TEAD1: variants seen among roughly 807,000 people sequenced by gnomAD.
The protein encoded by TEAD1 is transcriptional enhancer factor TEF-1.
Under a neutral mutation model 54.9 loss-of-function variants are expected in TEAD1, and 9 were observed. The observed-to-expected ratio is 0.16, with a 90% confidence interval of 0.10 to 0.29. The LOEUF (loss-of-function observed/expected upper bound fraction) is 0.29, where lower values mean the gene tolerates loss of function less well. TEAD1 is among the 10% of genes least tolerant of loss of function. The pLI is 1.00. For missense variants in TEAD1, 387 were observed against 535.9 expected, an observed-to-expected ratio of 0.72 and a Z score of 2.74; for synonymous variants, 200 against 187.8, an observed-to-expected ratio of 1.07 and a Z score of -0.53.
At chr11:12,750,097 C>A (rs1442331373) in intron 2 of TEAD1, among the ~76,000 whole-genome samples, 2 of 152,222 alleles carry the variant, frequency 1.3e-5, no homozygotes, top group Non-Finnish European at 2.9e-5. Flanking sequence ...CATTTGTGAA[C>A]CGGCAGTGTT....
At chr11:12,934,411 G>T (rs1949064840) in intron 12 of TEAD1, among the ~76,000 whole-genome samples, 1 of 151,982 alleles carries the variant, frequency 6.6e-6, no homozygotes, top group South Asian at 2.1e-4. Context: ...GAGGGGGAAG[G>T]GATAGCATTA....
chr11:12,889,904 T>C (rs1438038454), intron 9 of TEAD1, among the ~76,000 whole-genome samples: 1 of 152,000 alleles, frequency 6.6e-6, no homozygotes, highest in Non-Finnish European at 1.5e-5. Flanking sequence ...GTATTTTTAG[T>C]AGAGATGGGG....
chr11:12,749,641 T>C (rs1449089335), intron 2 of TEAD1, among the ~76,000 whole-genome samples: 1 of 152,160 alleles, frequency 6.6e-6, no homozygotes, highest in African/African-American at 2.4e-5. Context: ...ATGTCAGACA[T>C]GAGCGCATCA....
chr11:12,726,137 A>G (rs533404358), intron 2 of TEAD1, among the ~76,000 whole-genome samples: 1 of 152,340 alleles, frequency 6.6e-6, no homozygotes, highest in South Asian at 2.1e-4. Context: ...TGGCATGGTA[A>G]GGGCAGTGAT....
Position 12,941,646 on chromosome 11 carries a change from G to A in TEAD1, c.*4424G>A, listed in dbSNP as rs1468296833. ...TCAGTGTTCACACCTGTAACATTAG[G>A]AGGATATGTCTGCATTGCTTATTTC... On this transcript the variant is annotated 3_prime_UTR_variant, in exon 13 of 13. Coordinates refer to ENST00000527636, the MANE Select transcript of TEAD1 (RefSeq NM_021961.6). 6.6e-6 allele frequency: 1 copy of A among 152,618 alleles called. No homozygotes were observed. The highest frequency in any genetic ancestry group is 1.5e-5 in the Non-Finnish European group (1 of 68,036). The allele number at this position is 152,618 out of a possible 1,614,324, so 9.5% of individuals were successfully genotyped here. A position where few individuals can be genotyped will look rare whatever the true frequency, so the allele number is the denominator to read the frequency against.
intron 5 of TEAD1, 192 bp downstream of exon 5, chr11:12,865,092 CGCGTGTGTGTGTTT>C (rs760446788): frequency 9.9e-5 from 68 of 686,960 alleles, no homozygotes; most frequent in South Asian, 6.1e-4. Context: ...TGTGTGTGAG[CGCGTGTGTGTGTTT>C]GCGTGTGTGT....
At chr11:12,929,504 A>G (rs994988534) in intron 11 of TEAD1, among the ~76,000 whole-genome samples, 13 of 151,538 alleles carry the variant, frequency 8.6e-5, no homozygotes, top group Non-Finnish European at 1.5e-4. Flanking sequence ...ATATGAGGCT[A>G]CTTCATTAAG....
chr11:12,689,028 GTTGT>G lies in TEAD1; in HGVS notation c.-55+13470_-55+13473del, dbSNP rs1039594333. Reference sequence around the variant, plus strand: ...TTGTTTTTCTGTTTTTTTTTTTGTTGTTGTTTATTTGTTTGTTTTGTTTTTAAAT... The same window carrying G: ...TTGTTTTTCTGTTTTTTTTTTTGTTGTTATTTGTTTGTTTTGTTTTTAAAT... On this transcript the variant is annotated intron_variant, in intron 2 of 12. Coordinates refer to ENST00000527636, the MANE Select transcript of TEAD1 (RefSeq NM_021961.6). Among the ~76,000 whole-genome samples the G allele has an allele frequency of 4.0e-5, 6 of 150,368 alleles. No homozygotes were observed. In the East Asian group the frequency reaches 1.2e-3, roughly 29 times the overall value.
At chr11:12,807,602 A>G (rs1387436166) in intron 3 of TEAD1, among the ~76,000 whole-genome samples, 1 of 152,260 alleles carries the variant, frequency 6.6e-6, no homozygotes, top group Non-Finnish European at 1.5e-5. Context: ...CATAGTTAAC[A>G]TTCAATAAAT....
chr11:12,779,676 AC>A (rs1457862341), intron 3 of TEAD1, among the ~76,000 whole-genome samples: 3 of 152,192 alleles, frequency 2.0e-5, no homozygotes, highest in Non-Finnish European at 4.4e-5. Context: ...TAGATATAAA[AC>A]TCCTCCACAA....
chr11:12,776,985 G>A (rs1336657157), intron 3 of TEAD1, among the ~76,000 whole-genome samples: 1 of 151,852 alleles, frequency 6.6e-6, no homozygotes, highest in African/African-American at 2.4e-5. Context: ...TAGAGATGGG[G>A]TTTCACTGTG....
chr11:12,788,534 A>G (rs933531523), intron 3 of TEAD1, among the ~76,000 whole-genome samples: 1 of 152,222 alleles, frequency 6.6e-6, no homozygotes, highest in Non-Finnish European at 1.5e-5. Flanking sequence ...AATTTTTGGT[A>G]TATCCACAAA....
intron 3 of TEAD1, among the ~76,000 whole-genome samples, chr11:12,837,592 C>A (rs993785175): frequency 4.6e-5 from 7 of 151,982 alleles, no homozygotes; most frequent in African/African-American, 1.7e-4. Context: ...TGTAGATGGC[C>A]GTCTTCTCAT....
intron 3 of TEAD1, among the ~76,000 whole-genome samples, chr11:12,848,144 T>A (rs757315574): frequency 6.6e-6 from 1 of 152,220 alleles, no homozygotes; most frequent in Non-Finnish European, 1.5e-5. Context: ...TACCATTGTT[T>A]GGCTTCTAGC....
intron 2 of TEAD1, among the ~76,000 whole-genome samples, chr11:12,719,102 A>AG (rs961252405): frequency 6.6e-6 from 1 of 151,844 alleles, no homozygotes; most frequent in Non-Finnish European, 1.5e-5. Flanking sequence ...TGATGGTGAC[A>AG]TTTCCAGGAA....
At chr11:12,818,845 T>C (rs968423141) in intron 3 of TEAD1, among the ~76,000 whole-genome samples, 42 of 152,304 alleles carry the variant, frequency 2.8e-4, no homozygotes, top group African/African-American at 7.7e-4. Context: ...TCTATGTGAG[T>C]CAGCTTAGTA....
intron 3 of TEAD1, among the ~76,000 whole-genome samples, chr11:12,773,266 T>C (rs540588063): frequency 6.6e-6 from 1 of 152,362 alleles, no homozygotes; most frequent in Admixed American, 6.5e-5. Context: ...AACTAAGTAT[T>C]CACTTACATG....
At chr11:12,674,875 G>GCACGGGGCAGCGGGGGGCC (rs1943040786) in intron 1 of TEAD1, 41 bp downstream of exon 1, 1 of 147,152 alleles carries the variant, frequency 6.8e-6, no homozygotes, top group East Asian at 2.0e-4. Context: ...TGCGGGGGGC[G>GCACGGGGCAGCGGGGGGCC]CACGGGGCAG....
chr11:12,852,249 T>G (rs1947291255), intron 3 of TEAD1, among the ~76,000 whole-genome samples: 1 of 144,598 alleles, frequency 6.9e-6, no homozygotes, highest in Non-Finnish European at 1.5e-5. Context: ...GACTAAGGAG[T>G]TTGTGTTTTG....
Sources: allele counts gnomAD v4.1 joint callset (sites outside exome capture counted in the v4.1 genomes callset), GRCh38; gene constraint gnomAD v4.1.1; transcripts MANE v1.5; gene names NCBI Gene and HGNC (gene_info 2026-07-23, HGNC 2026-07-21).